The following RBM24 variants were observed in gnomAD, a reference collection of about 807,000 sequenced individuals.
The protein encoded by RBM24 is RNA-binding protein 24.
Under a neutral mutation model 23.6 loss-of-function variants are expected in RBM24, and 5 were observed. That is an observed-to-expected ratio of 0.21 (90% CI 0.11 to 0.45). RBM24 has a LOEUF of 0.45. RBM24 is among the 20% of genes least tolerant of loss of function. The pLI is 0.99. For missense variants in RBM24, 252 were observed against 314.6 expected (o/e 0.80, Z 1.51); for synonymous variants, 151 against 129.5 (o/e 1.17, Z -1.13).
At chr6:17,282,499 T>A in intron 1 of RBM24, 1 of 481,312 alleles carries the variant, frequency 2.1e-6, no homozygotes. Flanking sequence ...GTTCCAAGAA[T>A]TTAGGCTTCC....
At chr6:17,288,398 G>A (rs1760258479) in intron 3 of RBM24, 2 of 984,730 alleles carry the variant, frequency 2.0e-6, no homozygotes, top group Non-Finnish European at 2.4e-6. Context: ...ATGGTGGAGG[G>A]TAGGGAACTC....
chr6:17,289,064 A>C, intron 3 of RBM24: 1 of 985,392 alleles, frequency 1.0e-6, no homozygotes, highest in African/African-American at 1.7e-5. Context: ...AAAATGTAGT[A>C]AATTTTCTTT....
At chr6:17,285,286 T>G (rs1442061078) in intron 3 of RBM24, 1 of 152,250 alleles carries the variant, frequency 6.6e-6, no homozygotes, top group Non-Finnish European at 1.5e-5. Flanking sequence ...CTAAACTGTG[T>G]GCTTTTTACT....
chr6:17,288,352 C>T (rs1041637995), intron 3 of RBM24: 15 of 985,230 alleles, frequency 1.5e-5, no homozygotes, highest in African/African-American at 8.7e-5. Context: ...CAGAAGTCTT[C>T]GTGAAGGAAG....
At chr6:17,289,109 C>T in intron 3 of RBM24, 1 of 985,380 alleles carries the variant, frequency 1.0e-6, no homozygotes, top group Non-Finnish European at 1.2e-6. Flanking sequence ...TGCACTTGTG[C>T]TTTTTGTAAC....
intron 3 of RBM24, chr6:17,289,292 C>A: frequency 7.1e-6 from 7 of 985,362 alleles, no homozygotes; most frequent in Non-Finnish European, 8.4e-6. Flanking sequence ...TCCTTCCTGA[C>A]CCAGGATATT....
At chr6:17,289,248 A>C in intron 3 of RBM24, 1 of 985,412 alleles carries the variant, frequency 1.0e-6, no homozygotes, top group Non-Finnish European at 1.2e-6. Flanking sequence ...TTTCATTCCA[A>C]AGTGCCACTT....
In RBM24 at chr6:17,289,629, T is replaced by G. The variant is rs867205050; in HGVS notation, c.348-2127T>G. The stretch of plus-strand genomic sequence containing the variant: ...AGATACCAACCTAGCACCCACAGTG[T>G]TGTTCTTGGAACTTTGAGAGTACAA... On this transcript the variant is annotated intron_variant, in intron 3 of 3. Coordinates refer to ENST00000379052, the MANE Select transcript of RBM24 (RefSeq NM_001143942.2). 94 of 985,446 alleles carry G rather than the reference T, an allele frequency of 9.5e-5. No homozygotes were observed. The Middle Eastern group carries it at 2.6e-3, about 27-fold the overall frequency. The allele number at this position is 985,446 out of a possible 1,614,324, so 61.0% of individuals were successfully genotyped here.
intron 3 of RBM24, among the ~76,000 whole-genome samples, chr6:17,286,825 ACTGT>A (rs1760212976): frequency 1.3e-5 from 2 of 152,168 alleles, no homozygotes; most frequent in Non-Finnish European, 2.9e-5. Context: ...GAGAAACCAG[ACTGT>A]CTAAGGTGGG....
chr6:17,287,795 C>T (rs949359268), intron 3 of RBM24, among the ~76,000 whole-genome samples: 1 of 151,292 alleles, frequency 6.6e-6, no homozygotes, highest in African/African-American at 2.4e-5. Flanking sequence ...GGCGACAGAG[C>T]GAGACTCCAT....
chr6:17,284,992 C>T (rs980249994), intron 3 of RBM24: 2 of 288,388 alleles, frequency 6.9e-6, no homozygotes, highest in Non-Finnish European at 1.3e-5. Context: ...CGATTGTGTC[C>T]CATCACCATT....
At chr6:17,288,716 C>T in intron 3 of RBM24, 3 of 974,668 alleles carry the variant, frequency 3.1e-6, no homozygotes, top group Non-Finnish European at 3.7e-6. Flanking sequence ...GGGCAAGAAT[C>T]TGGGAATGTG....
At position 17,281,476 on chromosome 6, in the gene RBM24, C is replaced by T. The variant is rs995526209; in HGVS notation, c.-106C>T. 2.9e-5 allele frequency: 31 copies of T among 1,064,554 alleles called. No individual in the cohort carries two copies. The highest frequency in any genetic ancestry group is 2.1e-4 in the African/African-American group (12 of 58,082). 65.9% of individuals were successfully genotyped at this position (1,064,554 alleles called of 1,614,324 possible). On this transcript the variant is annotated 5_prime_UTR_variant, in exon 1 of 4. Coordinates refer to ENST00000379052, the MANE Select transcript of RBM24 (RefSeq NM_001143942.2). This position sits in a 1 kb window ranked among gnomAD's most constrained non-coding sequence, Gnocchi z 7.1. ...CGCCCCCGGGCTCGCCCTTGGCCCC[C>T]GGCGGCCGCGAAAGGGTGCGGGAGA...
Position 17,292,060 on chromosome 6 carries a change from G to A in RBM24, c.652G>A (p.Ala218Thr). 2 of 1,593,284 alleles carry A rather than the reference G, an allele frequency of 1.3e-6. No homozygotes were observed. Among genetic ancestry groups the A allele is most frequent in the Non-Finnish European group, 1.7e-6 (2 of 1,174,910 alleles). ...TAAAAAAAAA[A>T]AAAFGQYQPQ... ...TGCCGCCGCCGCTGCAGCAGCTGCT[G>A]CCGCTGCAGCATTTGGCCAGTACCA... Residue 218 changes from alanine (A) to threonine (T), a missense_variant, in exon 4 of 4, where the codon GCC (alanine) becomes ACC (threonine). Transcript: ENST00000379052.
chr6:17,291,151 T>C (rs1032402638), intron 3 of RBM24, among the ~76,000 whole-genome samples: 2 of 152,198 alleles, frequency 1.3e-5, no homozygotes, highest in Non-Finnish European at 2.9e-5. Context: ...CTTTTTTAAT[T>C]ATTATTTTTA....
At chr6:17,287,816 A>AG (rs1420121400) in intron 3 of RBM24, among the ~76,000 whole-genome samples, 3 of 151,988 alleles carry the variant, frequency 2.0e-5, no homozygotes, top group Non-Finnish European at 2.9e-5. Flanking sequence ...CTCAAAAAAA[A>AG]AAACCAAAAA....
chr6:17,282,547 C>T, intron 1 of RBM24: 1 of 533,758 alleles, frequency 1.9e-6, no homozygotes, highest in South Asian at 2.1e-5. Flanking sequence ...CTTAAGATTT[C>T]GGCGGTGGGG....
chr6:17,281,684 G>C lies in RBM24; in HGVS notation c.103G>C (p.Gly35Arg). The C allele has an allele frequency of 6.4e-7, 1 of 1,551,936 alleles. No homozygotes were observed. The highest frequency in any genetic ancestry group is 1.2e-5 in the South Asian group (1 of 84,104). Residue 35 changes from glycine to arginine, a missense_variant, in exon 1 of 4, where the codon GGC (glycine) becomes CGC (arginine). Gly to Arg is a moderately radical substitution (Grantham distance 125). Transcript: ENST00000379052. This position sits in a 1 kb window ranked among gnomAD's most constrained non-coding sequence, Gnocchi z 7.1. ...ASLRKYFEVF[G>R]EIEEAVVITD... ...CCTGCGCAAGTACTTCGAGGTCTTC[G>C]GCGAGATCGAGGAGGCGGTGGTCAT...
At chr6:17,283,816 T>C (rs1454331115) in intron 2 of RBM24, among the ~76,000 whole-genome samples, 1 of 152,192 alleles carries the variant, frequency 6.6e-6, no homozygotes, top group Non-Finnish European at 1.5e-5. Context: ...ACAAAGAAAC[T>C]GATGCTTAGA....
Sources: allele counts gnomAD v4.1 joint callset (sites outside exome capture counted in the v4.1 genomes callset), GRCh38; gene constraint gnomAD v4.1.1; non-coding constraint Gnocchi (gnomAD v3.1); transcripts MANE v1.5; gene names NCBI Gene and HGNC (gene_info 2026-07-23, HGNC 2026-07-21).